The following USH2A variants were observed in gnomAD, a reference collection of about 807,000 sequenced individuals.
USH2A encodes Usher syndrome 2A (autosomal recessive, mild).
USH2A carries 443 observed loss-of-function variants against 538.9 expected under a neutral mutation model. The observed-to-expected ratio is 0.82, with a 90% confidence interval of 0.76 to 0.89. The LOEUF is 0.89. Ranked by LOEUF, USH2A falls within the 40% of genes least tolerant of loss-of-function variation. The probability of loss-of-function intolerance (pLI) is 0.00; values close to 1 mark genes in which losing one functional copy is unlikely to be tolerated. For synonymous variants in USH2A, 2,413 were observed against 2,273.5 expected (o/e 1.06, Z -1.75); for missense variants, 6,633 against 6,324.8 (o/e 1.05, Z -1.65).
intron 13 of USH2A, among the ~76,000 whole-genome samples, chr1:216,244,554 A>C (rs1252763113): frequency 6.6e-6 from 1 of 152,214 alleles, no homozygotes; most frequent in Non-Finnish European, 1.5e-5. Context: ...AATGAGAGCC[A>C]CAAAGATAAA....
intron 9 of USH2A, among the ~76,000 whole-genome samples, chr1:216,305,157 C>A (rs949314945): frequency 6.6e-6 from 1 of 152,102 alleles, no homozygotes; most frequent in East Asian, 1.9e-4. Flanking sequence ...TATCTCATTT[C>A]TTAGGTTTAG....
At chr1:216,085,102 T>C (rs2032087437) in intron 24 of USH2A, 1 of 516,160 alleles carries the variant, frequency 1.9e-6, no homozygotes, top group Non-Finnish European at 3.4e-6. Flanking sequence ...CAGAAACAGA[T>C]GTTTATGCAG....
At chr1:215,879,180 C>T in intron 41 of USH2A, 82 bp from the exon 42 acceptor site, 1 of 1,280,900 alleles carries the variant, frequency 7.8e-7, no homozygotes, top group South Asian at 1.2e-5. Flanking sequence ...GAATTTTGCT[C>T]TTGTTTTCAG....
chr1:215,845,435 C>T (rs984418776), intron 45 of USH2A, among the ~76,000 whole-genome samples: 3 of 152,204 alleles, frequency 2.0e-5, no homozygotes, highest in African/African-American at 7.2e-5. Context: ...GAACTTCCAC[C>T]TACCATTTCT....
intron 61 of USH2A, among the ~76,000 whole-genome samples, chr1:215,693,114 G>GCGTA (rs1658674609): frequency 1.4e-5 from 1 of 71,818 alleles, no homozygotes; most frequent in Non-Finnish European, 3.3e-5. Context: ...GTGTGTGTAT[G>GCGTA]TGTATATATA....
At chr1:216,232,717 C>T (rs1266398200) in intron 13 of USH2A, among the ~76,000 whole-genome samples, 1 of 152,156 alleles carries the variant, frequency 6.6e-6, no homozygotes, top group Non-Finnish European at 1.5e-5. Context: ...TGCCTCCTAA[C>T]AATTTTAAAC....
At chr1:216,149,807 G>C (rs1414027892) in intron 21 of USH2A, among the ~76,000 whole-genome samples, 2 of 151,972 alleles carry the variant, frequency 1.3e-5, no homozygotes, top group Non-Finnish European at 2.9e-5. Flanking sequence ...AACCTCAATG[G>C]ACCGGACCCT....
At position 216,255,056 on chromosome 1, in the gene USH2A, A is replaced by C. The variant is rs189643925; in HGVS notation, c.1972-3958T>G. Among the ~76,000 whole-genome samples the C allele has an allele frequency of 9.2e-5, 14 of 152,338 alleles. No homozygotes were observed. The East Asian group carries it at 2.7e-3, about 29-fold the overall frequency. Reference sequence around the variant, plus strand: ...TGGAAGGAAATACAGATAAAGCAGTACAATTACTATCTCTGATAACAAACA... The same window carrying C: ...TGGAAGGAAATACAGATAAAGCAGTCCAATTACTATCTCTGATAACAAACA... On this transcript the variant is annotated intron_variant, in intron 11 of 71. Transcript: ENST00000307340.
At position 215,648,332 on chromosome 1, in the gene USH2A, G is replaced by A. The variant is rs74141284; in HGVS notation, c.14582+196C>T. On this transcript the variant is annotated intron_variant, in intron 66 of 71. Coordinates refer to ENST00000307340, the MANE Select transcript of USH2A (RefSeq NM_206933.4). ...GTTGCTTTTATGATTTAAATACATC[G>A]CAGGTAACATTACCACTCAAATCAA... 0.044 allele frequency among the ~76,000 whole-genome samples: 6,663 copies of A among 152,138 alleles called. 513 individuals are homozygous for A. The highest frequency in any genetic ancestry group is 0.15 in the African/African-American group (6,197 of 41,460).
chr1:216,229,401 G>C (rs955909349), intron 14 of USH2A, among the ~76,000 whole-genome samples: 1 of 150,774 alleles, frequency 6.6e-6, no homozygotes, highest in African/African-American at 2.4e-5. Context: ...CTGCAGCCTC[G>C]ACCTTCCAGT....
At chr1:216,420,183 T>C (rs1320778774) in intron 2 of USH2A, among the ~76,000 whole-genome samples, 1 of 152,110 alleles carries the variant, frequency 6.6e-6, no homozygotes, top group Admixed American at 6.6e-5. Flanking sequence ...TTCATTTTTC[T>C]TCTGTTTAAA....
chr1:216,365,660 C>G (rs962533502), intron 3 of USH2A, among the ~76,000 whole-genome samples: 1 of 149,922 alleles, frequency 6.7e-6, no homozygotes, highest in Non-Finnish European at 1.5e-5. Flanking sequence ...CTAATAACTG[C>G]ACATATTAGG....
intron 38 of USH2A, among the ~76,000 whole-genome samples, chr1:215,915,001 T>A (rs750884498): frequency 2.6e-5 from 4 of 152,138 alleles, no homozygotes; most frequent in Non-Finnish European, 5.9e-5. Context: ...CACTACAATG[T>A]CAGAGTTAAT....
chr1:216,417,951 T>A (rs61828135), intron 3 of USH2A, among the ~76,000 whole-genome samples: 2 of 152,070 alleles, frequency 1.3e-5, no homozygotes, highest in Non-Finnish European at 2.9e-5. Context: ...ACCAGACATG[T>A]CACAGCTCTC....
At chr1:216,088,541 T>G (rs1410414335) in intron 23 of USH2A, among the ~76,000 whole-genome samples, 2 of 152,144 alleles carry the variant, frequency 1.3e-5, no homozygotes, top group Non-Finnish European at 2.9e-5. Flanking sequence ...ATGTGGCAGA[T>G]AGGGTAGGCT....
chr1:215,846,120 GA>G lies in USH2A; in HGVS notation c.8846-88del, dbSNP rs558614513. On this transcript the variant is annotated intron_variant, in intron 44 of 71. Transcript: ENST00000307340. ...TTCTATCATTAGCTTTCTAGAATGA[GA>G]AAAAAAGAAGTTTAGAGAGCCTTTG... is the stretch of plus-strand genomic sequence containing the variant. The G allele has an allele frequency of 6.3e-3, 8,439 of 1,330,854 alleles. 37 individuals carry two copies. The highest frequency in any genetic ancestry group is 7.2e-3 in the Non-Finnish European group (6,851 of 953,060). The allele number at this position is 1,330,854 out of a possible 1,614,324, so 82.4% of individuals were successfully genotyped here.
At chr1:216,243,883 A>G (rs890743361) in intron 13 of USH2A, among the ~76,000 whole-genome samples, 1 of 152,214 alleles carries the variant, frequency 6.6e-6, no homozygotes, top group South Asian at 2.1e-4. Context: ...TTCAGAAAAA[A>G]GAAGCATAAT....
chr1:216,244,228 G>A (rs1313932393), intron 13 of USH2A, among the ~76,000 whole-genome samples: 1 of 152,062 alleles, frequency 6.6e-6, no homozygotes, highest in African/African-American at 2.4e-5. Context: ...GATTGAAATC[G>A]GCTCTGCATG....
intron 55 of USH2A, among the ~76,000 whole-genome samples, chr1:215,767,596 C>T (rs1661169536): frequency 6.6e-6 from 1 of 152,040 alleles, no homozygotes; most frequent in Non-Finnish European, 1.5e-5. Context: ...AGTAAGTTTT[C>T]AGGGAGAAAA....
Sources: gnomAD v4.1 joint callset for allele counts (sites outside exome capture counted in the v4.1 genomes callset) on GRCh38, gnomAD v4.1.1 for gene constraint, MANE v1.5 for transcripts, NCBI Gene and HGNC (gene_info 2026-07-23, HGNC 2026-07-21) for gene names.